Variants in TAFA4 observed in about 807,000 individuals in gnomAD.
TAFA4 encodes the protein TAFA chemokine like family member 4.
A neutral mutation model predicts 21.1 loss-of-function variants in TAFA4; 20 were observed. That is an observed-to-expected ratio of 0.95 (90% confidence interval 0.67 to 1.38). TAFA4 has a LOEUF of 1.38. Among genes scored for constraint, TAFA4 ranks in the 40% most tolerant of loss-of-function variants. The pLI, the probability that TAFA4 is intolerant of heterozygous loss-of-function variation, is 0.00. For synonymous variants in TAFA4, 71 were observed against 67.4 expected (o/e 1.05, Z -0.26); for missense variants, 211 against 180.9 (o/e 1.17, Z -0.95).
intron 3 of TAFA4, among the ~76,000 whole-genome samples, chr3:68,797,769 C>T (rs548898996): frequency 3.3e-4 from 50 of 152,016 alleles, no homozygotes; most frequent in Middle Eastern, 3.4e-3. Context: ...GAAAGTAGAA[C>T]GGTGGTTGTC....
rs183190833 is a variant in TAFA4, at chr3:68,923,161, C to T, written c.-123+9079G>A. ...CCTGTCAGACACCTATTTGTGCAAA[C>T]GTTAATTTCAAGTATATTTAAATGT... On this transcript the variant is annotated intron_variant, in intron 1 of 5. Coordinates refer to ENST00000295569, the MANE Select transcript of TAFA4 (RefSeq NM_182522.5). 3.7e-3 allele frequency among the ~76,000 whole-genome samples: 568 copies of T among 152,212 alleles called. 4 individuals are homozygous for T. The highest frequency in any genetic ancestry group is 6.1e-3 in the Non-Finnish European group (414 of 68,020).
At chr3:68,791,283 C>T (rs1026793667) in intron 3 of TAFA4, among the ~76,000 whole-genome samples, 2 of 152,204 alleles carry the variant, frequency 1.3e-5, no homozygotes, top group Admixed American at 1.3e-4. Flanking sequence ...TCTAATCTAA[C>T]ATGCTGGTGT....
chr3:68,779,368 G>A (rs1176528003), intron 3 of TAFA4, among the ~76,000 whole-genome samples: 1 of 152,192 alleles, frequency 6.6e-6, no homozygotes, highest in Non-Finnish European at 1.5e-5. Context: ...AAGTAAAGAG[G>A]AACCGAATGT....
At chr3:68,813,127 C>A (rs937781528) in intron 3 of TAFA4, among the ~76,000 whole-genome samples, 1 of 151,948 alleles carries the variant, frequency 6.6e-6, no homozygotes, top group African/African-American at 2.4e-5. Flanking sequence ...TTGAAACCGA[C>A]GAGAACAAAG....
At chr3:68,913,240 C>G (rs1055922592) in intron 1 of TAFA4, among the ~76,000 whole-genome samples, 3 of 152,124 alleles carry the variant, frequency 2.0e-5, no homozygotes, top group Non-Finnish European at 4.4e-5. Context: ...TAATCCTCAC[C>G]TGTTATTTTC....
intron 2 of TAFA4, 63 bp downstream of exon 2, chr3:68,885,112 T>G: frequency 1.3e-6 from 2 of 1,543,506 alleles, no homozygotes; most frequent in Non-Finnish European, 1.8e-6. Context: ...GATACTCACT[T>G]TTGCTAAATT....
chr3:68,841,601 G>T (rs1206508137), intron 3 of TAFA4, among the ~76,000 whole-genome samples: 1 of 151,858 alleles, frequency 6.6e-6, no homozygotes, highest in Non-Finnish European at 1.5e-5. Context: ...ATGCATGTGC[G>T]ATCTGTTACA....
chr3:68,847,929 T>C (rs894440607), intron 3 of TAFA4, among the ~76,000 whole-genome samples: 1 of 152,234 alleles, frequency 6.6e-6, no homozygotes, highest in African/African-American at 2.4e-5. Flanking sequence ...TTAAACATTT[T>C]CAAGTTTCTA....
chr3:68,792,025 T>A (rs533674056), intron 3 of TAFA4, among the ~76,000 whole-genome samples: 1 of 152,316 alleles, frequency 6.6e-6, no homozygotes, highest in Non-Finnish European at 1.5e-5. Flanking sequence ...TTCAGAGGAC[T>A]TTCAATATGT....
At chr3:68,770,812 T>C (rs1361170127) in intron 3 of TAFA4, among the ~76,000 whole-genome samples, 1 of 152,166 alleles carries the variant, frequency 6.6e-6, no homozygotes, top group African/African-American at 2.4e-5. Flanking sequence ...CGGCGAGGGC[T>C]CCACCCTCGG....
At position 68,783,745 on chromosome 3, in the gene TAFA4, G is replaced by GAAAGAAAGAAAGAAAGAAAA. The variant is rs1355228496; in HGVS notation, c.131-30728_131-30727insTTTTCTTTCTTTCTTTCTTT. ...AGAAAGAAAGAAAGAAAGAAAGAAA[G>GAAAGAAAGAAAGAAAGAAAA]TAAGAAAGAAAGAAACAAAAACAAA... On this transcript the variant is annotated intron_variant, in intron 3 of 5. Transcript: ENST00000295569. Among the ~76,000 whole-genome samples the GAAAGAAAGAAAGAAAGAAAA allele has an allele frequency of 6.7e-3, 638 of 95,812 alleles. 15 individuals carry two copies. Among genetic ancestry groups the GAAAGAAAGAAAGAAAGAAAA allele is most frequent in the African/African-American group, 0.019 (603 of 31,786 alleles). 62.9% of individuals were successfully genotyped at this position (95,812 alleles called of 152,430 possible).
At chr3:68,826,303 G>A (rs34567768) in intron 3 of TAFA4, among the ~76,000 whole-genome samples, 3,788 of 152,284 alleles carry the variant, frequency 0.025, 113 homozygotes, top group East Asian at 0.11. Flanking sequence ...GCCGGCCATG[G>A]TGGCTCACGC....
intron 3 of TAFA4, among the ~76,000 whole-genome samples, chr3:68,801,829 C>G (rs1703584376): frequency 6.6e-6 from 1 of 152,084 alleles, no homozygotes; most frequent in Non-Finnish European, 1.5e-5. Context: ...CAAAGTTTAC[C>G]AACCTCTGAT....
intron 3 of TAFA4, among the ~76,000 whole-genome samples, chr3:68,797,511 G>A (rs1349640102): frequency 1.3e-5 from 2 of 151,564 alleles, no homozygotes; most frequent in Admixed American, 6.6e-5. Flanking sequence ...TACTTGGGAG[G>A]CTGAGGCAGG....
intron 3 of TAFA4, among the ~76,000 whole-genome samples, chr3:68,851,943 A>G (rs1014405): frequency 0.15 from 22,435 of 152,076 alleles, 2,323 homozygotes; most frequent in African/African-American, 0.29. Context: ...GGGCTCCTTA[A>G]AAGTACAGAT....
chr3:68,895,353 G>A (rs781630122), intron 1 of TAFA4, among the ~76,000 whole-genome samples: 1 of 152,038 alleles, frequency 6.6e-6, no homozygotes, highest in Non-Finnish European at 1.5e-5. Flanking sequence ...CAGGCTGGTC[G>A]TGAACTCCTG....
Position 68,788,257 on chromosome 3 carries a change from A to C in TAFA4, c.131-35239T>G, listed in dbSNP as rs116771517. ...CCTTCTCCCTCACTACCCTGGCCAC[A>C]CTACTGCTGCTCCTCAAACATGCCA... On this transcript the variant is annotated intron_variant, in intron 3 of 5. Coordinates refer to ENST00000295569, the MANE Select transcript of TAFA4 (RefSeq NM_182522.5). 6.8e-3 allele frequency among the ~76,000 whole-genome samples: 1,041 copies of C among 152,188 alleles called. 9 individuals carry two copies. Among genetic ancestry groups the C allele is most frequent in the African/African-American group, 0.024 (995 of 41,512 alleles).
chr3:68,815,682 G>C (rs939798619), intron 3 of TAFA4, among the ~76,000 whole-genome samples: 13 of 152,214 alleles, frequency 8.5e-5, no homozygotes, highest in African/African-American at 3.1e-4. Context: ...TGGAGAGGAT[G>C]TGGAGAAATA....
At chr3:68,743,143 T>G (rs1234842822) in intron 4 of TAFA4, among the ~76,000 whole-genome samples, 1 of 152,220 alleles carries the variant, frequency 6.6e-6, no homozygotes, top group Non-Finnish European at 1.5e-5. Context: ...CAGGTGGATT[T>G]GTGATCTAGG....
Sources: allele counts gnomAD v4.1 joint callset (sites outside exome capture counted in the v4.1 genomes callset), GRCh38; gene constraint gnomAD v4.1.1; transcripts MANE v1.5; gene names NCBI Gene and HGNC (gene_info 2026-07-23, HGNC 2026-07-21).